The following PEG3 variants were observed in gnomAD, a reference collection of about 807,000 sequenced individuals.
PEG3 encodes paternally expressed 3.
Under a neutral mutation model 35.5 loss-of-function variants are expected in PEG3, and 23 were observed. That is an observed-to-expected ratio of 0.65 (90% CI 0.47 to 0.92). The LOEUF (loss-of-function observed/expected upper bound fraction) is 0.92, where lower values mean the gene tolerates loss of function less well. Among genes scored for constraint, PEG3 ranks in the 40% least tolerant of loss-of-function variants. PEG3 has a pLI of 0.00. For synonymous variants in PEG3, 707 were observed against 697.0 expected (o/e 1.01, Z -0.23); for missense variants, 1,960 against 1,985.3 (o/e 0.99, Z 0.24).
chr19:56,826,245 G>C (rs1457711757), intron 3 of PEG3, 143 bp downstream of exon 3: 1 of 152,222 alleles, frequency 6.6e-6, no homozygotes, highest in Non-Finnish European at 1.5e-5. Flanking sequence ...CAAGAGCAGA[G>C]GTCTGTGCCT....
At chr19:56,831,762 A>G (rs2061588572) in intron 2 of PEG3, among the ~76,000 whole-genome samples, 1 of 152,244 alleles carries the variant, frequency 6.6e-6, no homozygotes, top group Non-Finnish European at 1.5e-5. Flanking sequence ...GTATTGCAAA[A>G]CATTCACCAT....
chr19:56,835,097 C>T (rs1348763213), intron 2 of PEG3, among the ~76,000 whole-genome samples: 2 of 152,142 alleles, frequency 1.3e-5, no homozygotes, highest in Non-Finnish European at 1.5e-5. Context: ...CACTTCACTC[C>T]TCCCTGTGAT....
At chr19:56,833,098 A>C (rs2061730428) in intron 2 of PEG3, 1 of 502,932 alleles carries the variant, frequency 2.0e-6, no homozygotes, top group African/African-American at 1.9e-5. Flanking sequence ...GAAAGAACAC[A>C]TCATGCACTA....
chr19:56,821,422 T>G (rs1257415844), intron 7 of PEG3, among the ~76,000 whole-genome samples: 1 of 152,084 alleles, frequency 6.6e-6, no homozygotes, highest in East Asian at 1.9e-4. Context: ...GTGACACACA[T>G]GCTGAGGGGG....
Position 56,813,760 on chromosome 19 carries a change from TC to T in PEG3, c.4681del (p.Glu1561ArgfsTer33). The T allele has an allele frequency of 6.2e-7, 1 of 1,614,154 alleles. No homozygotes were observed. Among genetic ancestry groups the T allele is most frequent in the South Asian group, 1.1e-5 (1 of 91,084 alleles). On this transcript the variant is annotated frameshift_variant, in exon 10 of 10. Coordinates refer to ENST00000326441, the MANE Select transcript of PEG3 (RefSeq NM_006210.3). LOFTEE classifies it high-confidence loss of function. ...ACAGACGTCACATTTGAAGTACTTCTCATCAGCTTGATTGGCACCACCTGTG... is the reference window on the plus strand; with the variant it reads ...ACAGACGTCACATTTGAAGTACTTCTATCAGCTTGATTGGCACCACCTGTG... ...TSTGGANQAD[E>X]KYFKCDVCGQ...
At position 56,837,969 on chromosome 19, in the gene PEG3, T is replaced by G. The variant is rs117627231; in HGVS notation, c.-249-1865A>C. Among the ~76,000 whole-genome samples the G allele has an allele frequency of 9.1e-3, 1,392 of 152,270 alleles. 13 individuals carry two copies. Among genetic ancestry groups the G allele is most frequent in the Middle Eastern group, 0.024 (7 of 292 alleles). On this transcript the variant is annotated intron_variant, in intron 1 of 9. Coordinates refer to ENST00000326441, the MANE Select transcript of PEG3 (RefSeq NM_006210.3). ...GCTGCTCTATCAGACAAGACACACA[T>G]GCTATGGCCCCCCTCAGTCACTCAA...
chr19:56,836,426 G>A (rs1015092461), intron 1 of PEG3, among the ~76,000 whole-genome samples: 13 of 152,232 alleles, frequency 8.5e-5, no homozygotes, highest in African/African-American at 2.6e-4. Flanking sequence ...GGCGCTGGCC[G>A]TCCCCATGTT....
In PEG3 at chr19:56,822,786, C is replaced by A. The variant is rs1323642419; in HGVS notation, c.532G>T (p.Asp178Tyr). The A allele has an allele frequency of 6.2e-7, 1 of 1,614,168 alleles. No homozygotes were observed. The highest frequency in any genetic ancestry group is 1.7e-5 in the Admixed American group (1 of 60,024). The change falls in exon 6 of 10, where the codon GAC (aspartate) becomes TAC (tyrosine). Residue 178 changes from aspartate to tyrosine, a missense_variant. Asp to Tyr is a radical substitution (Grantham distance 160). Coordinates refer to ENST00000326441, the MANE Select transcript of PEG3 (RefSeq NM_006210.3). ...RGRSRDMEPR[D>Y]RWSHTRNPRS... ...GGGTTCCTGGTGTGGGACCAGCGGTCTCGTGGCTCCATGTCTCTGCTTCTG... is the reference window on the plus strand; with the variant it reads ...GGGTTCCTGGTGTGGGACCAGCGGTATCGTGGCTCCATGTCTCTGCTTCTG...
At chr19:56,835,457 C>T (rs1206697851) in intron 2 of PEG3, among the ~76,000 whole-genome samples, 1 of 152,174 alleles carries the variant, frequency 6.6e-6, no homozygotes, top group Non-Finnish European at 1.5e-5. Context: ...GACTACTCTC[C>T]CCATGACACA....
chr19:56,828,269 A>G (rs1254142980), intron 2 of PEG3, among the ~76,000 whole-genome samples: 4 of 152,188 alleles, frequency 2.6e-5, no homozygotes, highest in Non-Finnish European at 5.9e-5. Flanking sequence ...AGAAAACCCT[A>G]AAGAATCAAC....
rs374234532 is a variant in PEG3 at position 56,824,583 on chromosome 19, T to C, written c.73A>G (p.Ser25Gly). The C allele has an allele frequency of 1.6e-5, 26 of 1,614,140 alleles. No homozygotes were observed. Among genetic ancestry groups the C allele is most frequent in the Non-Finnish European group, 2.0e-5 (24 of 1,179,998 alleles). The change falls in exon 4 of 10, where the codon AGT (serine) becomes GGT (glycine). Residue 25 changes from serine to glycine, a missense_variant. By Grantham distance (56) the Ser-to-Gly change is moderately conservative (BLOSUM62 0). Coordinates refer to ENST00000326441, the MANE Select transcript of PEG3 (RefSeq NM_006210.3). ...SWAPNLYELD[S>G]DLTKEPDVII... ...ACATCCGGCTCCTTAGTCAAGTCAC[T>C]GTCTAGCTCATACAGATTTGGGGCC...
In PEG3 at chr19:56,814,469, G is replaced by A. The variant is rs374296912; in HGVS notation, c.3973C>T (p.Leu1325Phe). 1 of 1,613,774 alleles carries A rather than the reference G, an allele frequency of 6.2e-7. No individual in the cohort carries two copies. ...TCATAGAATGGTATAGCTCCTTTGA[G>A]GGGCTCAGTAAGAAATGAGGTGTGA... The part of the protein sequence containing the change: ...YTHTSFLTEP[L>F]KGAIPFYECK... The change falls in exon 10 of 10, where the codon CTC becomes TTC. Residue 1325 changes from leucine (L) to phenylalanine (F), a missense_variant. Physicochemically the swap from Leu to Phe is conservative, Grantham distance 22. Around this residue, in one of 5 missense-constraint regions of PEG3, gnomAD observed 416 missense variants for 416.7 expected, o/e 1.00. Transcript: ENST00000326441. This position sits in a 1 kb window ranked among gnomAD's most constrained non-coding sequence, Gnocchi z 5.8.
intron 2 of PEG3, among the ~76,000 whole-genome samples, chr19:56,830,856 G>A (rs1381933975): frequency 2.0e-5 from 3 of 152,148 alleles, no homozygotes; most frequent in Non-Finnish European, 2.9e-5. Flanking sequence ...GGCCCTGGGA[G>A]GTGGAGGGGG....
rs1489539615 is a variant in PEG3 at position 56,817,527 on chromosome 19, A to G, written c.915T>C (p.Cys305=). ...AKKSTHRRGI[C]EDESSHGVIM... is the part of the protein sequence containing the mutation. Reference sequence around the variant, plus strand: ...TCACTCCGTGGGAAGATTCATCTTCACAAATCCCCCGCCGGTGGGTTGATT... The same window carrying G: ...TCACTCCGTGGGAAGATTCATCTTCGCAAATCCCCCGCCGGTGGGTTGATT... Residue 305 remains cysteine (C), a synonymous_variant, in exon 10 of 10, where the codon TGT becomes TGC. Transcript: ENST00000326441. 3 of 1,605,066 alleles carry G rather than the reference A, an allele frequency of 1.9e-6. No individual in the cohort carries two copies. The Admixed American group carries it at 5.1e-5, about 27-fold the overall frequency.
At chr19:56,834,172 G>A (rs2061847637) in intron 2 of PEG3, among the ~76,000 whole-genome samples, 2 of 152,058 alleles carry the variant, frequency 1.3e-5, no homozygotes, top group Non-Finnish European at 2.9e-5. Context: ...TTTTTAAGGG[G>A]AGGGAGTACT....
At chr19:56,825,771 T>G (rs528128909) in intron 3 of PEG3, among the ~76,000 whole-genome samples, 2 of 152,290 alleles carry the variant, frequency 1.3e-5, no homozygotes, top group East Asian at 3.9e-4. Flanking sequence ...GCAACAGAAA[T>G]TTTCTCCCTT....
At chr19:56,822,591 G>A (rs2060606975) in intron 6 of PEG3, 162 bp downstream of exon 6, 1 of 881,320 alleles carries the variant, frequency 1.1e-6, no homozygotes, top group Middle Eastern at 3.0e-4. Flanking sequence ...GTGGTACCGA[G>A]TGGAACTTCA....
chr19:56,823,777 A>G, intron 4 of PEG3, 98 bp from the exon 5 acceptor site: 2 of 1,347,992 alleles, frequency 1.5e-6, no homozygotes, highest in Non-Finnish European at 2.1e-6. Context: ...ACAGACACAC[A>G]TGGTTGGAAT....
In PEG3 at chr19:56,827,135, G is replaced by A. The variant is rs184970765; in HGVS notation, c.-162-672C>T. Among the ~76,000 whole-genome samples the A allele has an allele frequency of 4.4e-3, 670 of 152,228 alleles. 7 individuals are homozygous for A. The highest frequency in any genetic ancestry group is 0.015 in the African/African-American group (625 of 41,526). On this transcript the variant is annotated intron_variant, in intron 2 of 9. Coordinates refer to ENST00000326441, the MANE Select transcript of PEG3 (RefSeq NM_006210.3). ...ACTTTCTGTGAATAAAATATTTACCGTGTTATAAAAACCATTCCAGAGCAC... is the reference window on the plus strand; with the variant it reads ...ACTTTCTGTGAATAAAATATTTACCATGTTATAAAAACCATTCCAGAGCAC...
Sources: allele counts gnomAD v4.1 joint callset (sites outside exome capture counted in the v4.1 genomes callset), GRCh38; gene constraint gnomAD v4.1.1; regional missense constraint gnomAD v4.1.1; non-coding constraint Gnocchi (gnomAD v3.1); transcripts MANE v1.5; gene names NCBI Gene and HGNC (gene_info 2026-07-23, HGNC 2026-07-21).